The following TBC1D12 variants were observed in gnomAD, a reference collection of about 807,000 sequenced individuals.
The protein encoded by TBC1D12 is TBC1 domain family member 12, also known as TBC1 domain family, member 12.
TBC1D12 carries 56 observed loss-of-function variants against 86.7 expected under a neutral mutation model. The observed-to-expected ratio is 0.65, with a 90% CI of 0.52 to 0.81. TBC1D12 has a LOEUF of 0.81. Ranked by LOEUF, TBC1D12 falls within the 30% of genes least tolerant of loss-of-function variation. The pLI is 0.00. For missense variants in TBC1D12, 1,023 were observed against 1,038.8 expected, an observed-to-expected ratio of 0.98 and a Z score of 0.21; for synonymous variants, 421 against 411.7, an observed-to-expected ratio of 1.02 and a Z score of -0.27.
At chr10:94,484,531 C>T (rs1441326635) in intron 3 of TBC1D12, among the ~76,000 whole-genome samples, 2 of 152,112 alleles carry the variant, frequency 1.3e-5, no homozygotes, top group Non-Finnish European at 1.5e-5. Context: ...TGAGCCACCA[C>T]GCCTGGCCAG....
At chr10:94,467,320 C>T (rs994823035) in intron 2 of TBC1D12, among the ~76,000 whole-genome samples, 23 of 152,188 alleles carry the variant, frequency 1.5e-4, no homozygotes, top group Admixed American at 6.5e-4. Context: ...GCAACCTTTG[C>T]CTCCTGGGTT....
At chr10:94,415,610 T>C (rs1372109843) in intron 1 of TBC1D12, among the ~76,000 whole-genome samples, 1 of 152,106 alleles carries the variant, frequency 6.6e-6, no homozygotes, top group Non-Finnish European at 1.5e-5. Context: ...GGCGGGTGCC[T>C]GTAGTCCCAG....
chr10:94,466,005 CTT>C (rs2055817919), intron 2 of TBC1D12, among the ~76,000 whole-genome samples: 1 of 151,244 alleles, frequency 6.6e-6, no homozygotes, highest in South Asian at 2.1e-4. Flanking sequence ...TTTTATCTGA[CTT>C]TATTAGCCAC....
At chr10:94,425,404 A>T (rs2055132309) in intron 1 of TBC1D12, among the ~76,000 whole-genome samples, 1 of 152,222 alleles carries the variant, frequency 6.6e-6, no homozygotes, top group Middle Eastern at 3.2e-3. Context: ...ATTTTGTTCT[A>T]TGTCAGTTTA....
chr10:94,404,466 T>C (rs1236552783), intron 1 of TBC1D12, among the ~76,000 whole-genome samples: 1 of 151,556 alleles, frequency 6.6e-6, no homozygotes, highest in Non-Finnish European at 1.5e-5. Flanking sequence ...GCCAATGTGG[T>C]GAAACCCGGT....
Position 94,403,296 on chromosome 10 carries a change from G to T in TBC1D12, c.683G>T (p.Ser228Ile). Residue 228 changes from serine (S) to isoleucine (I), a missense_variant, in exon 1 of 13, where the codon AGC (serine) becomes ATC (isoleucine). Transcript: ENST00000225235. ...GGGGACAGCCCCGCCAGCAGCTGCA[G>T]CAGTAGCGAGGACTCAGAGCAGCGG... ...DSGDSPASSCSSSEDSEQRGV... is the reference protein window; with the variant it reads ...DSGDSPASSCISSEDSEQRGV... 1 of 1,504,842 alleles carries T rather than the reference G, an allele frequency of 6.6e-7. No individual in the cohort carries two copies. The highest frequency in any genetic ancestry group is 8.9e-7 in the Non-Finnish European group (1 of 1,128,386). 93.2% of individuals were successfully genotyped at this position (1,504,842 alleles called of 1,614,324 possible).
At chr10:94,474,921 C>A in intron 3 of TBC1D12, 138 bp downstream of exon 3, 1 of 791,926 alleles carries the variant, frequency 1.3e-6, no homozygotes, top group Non-Finnish European at 2.0e-6. Flanking sequence ...TGTTGTCTAT[C>A]CTAAAACTAT....
intron 1 of TBC1D12, among the ~76,000 whole-genome samples, chr10:94,424,671 A>G (rs1384159182): frequency 6.6e-6 from 1 of 152,204 alleles, no homozygotes; most frequent in African/African-American, 2.4e-5. Flanking sequence ...ACAAAATGGA[A>G]TAAGGATTTC....
intron 11 of TBC1D12, among the ~76,000 whole-genome samples, chr10:94,525,161 T>A (rs1842255480): frequency 1.3e-5 from 2 of 152,114 alleles, no homozygotes; most frequent in Admixed American, 1.3e-4. Flanking sequence ...ATATTTAGGG[T>A]TTTTTTAGTT....
intron 5 of TBC1D12, among the ~76,000 whole-genome samples, 187 bp from the exon 6 acceptor site, chr10:94,500,034 T>C (rs921317625): frequency 1.3e-5 from 2 of 152,202 alleles, no homozygotes; most frequent in African/African-American, 4.8e-5. Context: ...TGGGATCCTA[T>C]ACATCTTGTA....
chr10:94,454,111 A>G (rs1020749428), intron 2 of TBC1D12, among the ~76,000 whole-genome samples: 39 of 152,296 alleles, frequency 2.6e-4, no homozygotes, highest in Non-Finnish European at 5.4e-4. Flanking sequence ...TTGTCTCTCC[A>G]TGTAACTTTA....
intron 3 of TBC1D12, among the ~76,000 whole-genome samples, chr10:94,489,658 G>T (rs775206047): frequency 6.6e-6 from 1 of 152,154 alleles, no homozygotes; most frequent in Non-Finnish European, 1.5e-5. Flanking sequence ...TCTGGCTTTT[G>T]ATTTTAAATT....
chr10:94,404,649 A>C (rs1246907784), intron 1 of TBC1D12, among the ~76,000 whole-genome samples: 1 of 43,318 alleles, frequency 2.3e-5, no homozygotes, highest in African/African-American at 6.4e-5. Context: ...TCCGTCTTTC[A>C]AAAAAAAAAA....
At chr10:94,458,291 C>T (rs2055659099) in intron 2 of TBC1D12, among the ~76,000 whole-genome samples, 1 of 152,132 alleles carries the variant, frequency 6.6e-6, no homozygotes, top group Admixed American at 6.5e-5. Context: ...TAGCCCCTCA[C>T]CGCATGATGC....
chr10:94,403,668 C>G (rs942559008), intron 1 of TBC1D12, 84 bp downstream of exon 1: 6 of 1,386,396 alleles, frequency 4.3e-6, no homozygotes, highest in African/African-American at 1.5e-5. Flanking sequence ...GAGCCGGAGC[C>G]GGAGCCGGAG....
At position 94,494,437 on chromosome 10, in the gene TBC1D12, G is replaced by T. The variant is rs141613147; in HGVS notation, c.1294+990G>T. ...GTTAAGTAAACATAGGATATATAAGGCTAGTTATATTGTTCTAGAAGGTAT... is the reference window on the plus strand; with the variant it reads ...GTTAAGTAAACATAGGATATATAAGTCTAGTTATATTGTTCTAGAAGGTAT... On this transcript the variant is annotated intron_variant, in intron 4 of 12. Transcript: ENST00000225235. Among the ~76,000 whole-genome samples, 281 of 152,232 alleles carry T rather than the reference G, an allele frequency of 1.8e-3. 9 individuals are homozygous for T. Among genetic ancestry groups the T allele is most frequent in the Admixed American group, 0.015 (226 of 15,290 alleles).
At chr10:94,525,475 G>A (rs539909989) in intron 11 of TBC1D12, among the ~76,000 whole-genome samples, 13 of 151,932 alleles carry the variant, frequency 8.6e-5, no homozygotes, top group African/African-American at 2.9e-4. Flanking sequence ...GTGGTGGCCT[G>A]TGCCTGTAGT....
At chr10:94,513,352 C>T (rs1031701882) in intron 9 of TBC1D12, among the ~76,000 whole-genome samples, 1 of 151,850 alleles carries the variant, frequency 6.6e-6, no homozygotes, top group East Asian at 1.9e-4. Flanking sequence ...GCCCAGGACT[C>T]CCAGACAGCA....
intron 1 of TBC1D12, among the ~76,000 whole-genome samples, chr10:94,420,976 A>G (rs1030118989): frequency 2.6e-5 from 4 of 152,230 alleles, no homozygotes; most frequent in African/African-American, 7.2e-5. Context: ...AAACTCAAAC[A>G]TGTATCATTG....
Sources: allele counts gnomAD v4.1 joint callset (sites outside exome capture counted in the v4.1 genomes callset), GRCh38; gene constraint gnomAD v4.1.1; transcripts MANE v1.5; gene names NCBI Gene and HGNC (gene_info 2026-07-23, HGNC 2026-07-21).